MSRA: variants seen among roughly 807,000 people sequenced by gnomAD.
MSRA encodes the protein methionine sulfoxide reductase A.
Under a neutral mutation model 31.3 loss-of-function variants are expected in MSRA, and 54 were observed. The ratio of observed to expected loss-of-function variants is 1.73; its 90% confidence interval spans 1.39 to 2.17. The LOEUF is 2.17. Among genes scored for constraint, MSRA ranks in the 30% most tolerant of loss-of-function variants. The pLI, the probability that MSRA is intolerant of heterozygous loss-of-function variation, is 0.00. For missense variants in MSRA, 507 were observed against 300.9 expected (o/e 1.69, Z -5.07); for synonymous variants, 169 against 116.5 (o/e 1.45, Z -2.90).
chr8:10,270,954 C>A (rs1190894513), intron 3 of MSRA, among the ~76,000 whole-genome samples: 1 of 152,270 alleles, frequency 6.6e-6, no homozygotes, highest in East Asian at 1.9e-4. Flanking sequence ...TGACAGGAAG[C>A]TCATTTTGTT....
intron 1 of MSRA, among the ~76,000 whole-genome samples, chr8:10,059,691 TAAGCA>T (rs1802597633): frequency 6.6e-6 from 1 of 152,166 alleles, no homozygotes; most frequent in South Asian, 2.1e-4. Flanking sequence ...AAAATCATCA[TAAGCA>T]AAGCCAAAAG....
At chr8:10,319,655 C>G (rs991305478) in intron 4 of MSRA, among the ~76,000 whole-genome samples, 2 of 151,430 alleles carry the variant, frequency 1.3e-5, no homozygotes, top group African/African-American at 4.9e-5. Context: ...ATAAATCTAC[C>G]TGAGTTCAAA....
At chr8:10,104,195 G>A (rs964843356) in intron 1 of MSRA, among the ~76,000 whole-genome samples, 4 of 152,128 alleles carry the variant, frequency 2.6e-5, no homozygotes, top group Admixed American at 2.6e-4. Context: ...CTCTAGAGGA[G>A]GACTTAGAAA....
At chr8:10,191,381 C>T (rs947115660) in intron 1 of MSRA, among the ~76,000 whole-genome samples, 2 of 152,150 alleles carry the variant, frequency 1.3e-5, no homozygotes, top group African/African-American at 2.4e-5. Context: ...TTTAGCCTCC[C>T]TGGGAATTTT....
chr8:10,272,552 AC>A (rs752848164), intron 3 of MSRA, among the ~76,000 whole-genome samples: 5 of 152,216 alleles, frequency 3.3e-5, no homozygotes, highest in Non-Finnish European at 7.3e-5. Flanking sequence ...TACCGGGTCT[AC>A]GGATTCAAAT....
intron 1 of MSRA, among the ~76,000 whole-genome samples, chr8:10,182,464 G>T (rs1260411070): frequency 6.6e-6 from 1 of 152,234 alleles, no homozygotes; most frequent in African/African-American, 2.4e-5. Context: ...CCCTCAAGAT[G>T]TTAGATAAGG....
chr8:10,222,152 G>A (rs1217385305), intron 2 of MSRA, among the ~76,000 whole-genome samples: 2 of 152,056 alleles, frequency 1.3e-5, no homozygotes, highest in Admixed American at 6.6e-5. Context: ...AGATGCAGCA[G>A]GAATACCACT....
At chr8:10,416,374 C>T (rs1808459812) in intron 5 of MSRA, among the ~76,000 whole-genome samples, 1 of 152,234 alleles carries the variant, frequency 6.6e-6, no homozygotes, top group South Asian at 2.1e-4. Flanking sequence ...TATCACACCC[C>T]ATGCCCGGGA....
intron 3 of MSRA, among the ~76,000 whole-genome samples, chr8:10,291,807 C>A (rs971592205): frequency 1.3e-5 from 2 of 152,144 alleles, no homozygotes; most frequent in African/African-American, 4.8e-5. Flanking sequence ...AAAAAAATTA[C>A]TGTGTCTCCC....
chr8:10,299,828 C>T (rs1800746790), intron 3 of MSRA, among the ~76,000 whole-genome samples: 1 of 152,084 alleles, frequency 6.6e-6, no homozygotes, highest in Non-Finnish European at 1.5e-5. Context: ...TGGAGCTAGG[C>T]ATCAAGAAAT....
intron 1 of MSRA, among the ~76,000 whole-genome samples, chr8:10,082,806 G>T (rs576045114): frequency 6.6e-6 from 1 of 152,294 alleles, no homozygotes; most frequent in East Asian, 1.9e-4. Context: ...TGTGAAGGGG[G>T]CACTGTGTTC....
intron 1 of MSRA, among the ~76,000 whole-genome samples, chr8:10,202,766 A>G (rs748954892): frequency 6.6e-6 from 1 of 152,242 alleles, no homozygotes; most frequent in Non-Finnish European, 1.5e-5. Flanking sequence ...TATGTACTGG[A>G]CACTGTTCTG....
chr8:10,214,754 T>C (rs1809841098), intron 2 of MSRA, among the ~76,000 whole-genome samples: 7 of 152,182 alleles, frequency 4.6e-5, no homozygotes. Context: ...GAGATAAAAA[T>C]AGGCCTTCCT....
rs1456689074 is a variant in MSRA at position 10,367,870 on chromosome 8, C to G, written c.543+47881C>G. 3.9e-5 allele frequency among the ~76,000 whole-genome samples: 6 copies of G among 152,164 alleles called. No homozygotes were observed. In the East Asian group the frequency reaches 1.2e-3, roughly 29 times the overall value. ...GGCGTTCTAGTTTGCCTGAGAAGCC[C>G]AAGTGAGGGGGGAAAGCTGCTTTTA... On this transcript the variant is annotated intron_variant, in intron 5 of 5. Coordinates refer to ENST00000317173, the MANE Select transcript of MSRA (RefSeq NM_012331.5).
intron 5 of MSRA, among the ~76,000 whole-genome samples, chr8:10,410,032 C>G (rs763976626): frequency 8.5e-5 from 13 of 152,202 alleles, no homozygotes; most frequent in Non-Finnish European, 1.2e-4. Context: ...TGCACTCCCC[C>G]CTGGGTTACA....
At chr8:10,295,717 C>T (rs1320572962) in intron 3 of MSRA, among the ~76,000 whole-genome samples, 1 of 152,180 alleles carries the variant, frequency 6.6e-6, no homozygotes, top group African/African-American at 2.4e-5. Context: ...TTGGCACCCC[C>T]TGGAGAGGTG....
rs1797547636 is a variant in MSRA, at chr8:10,245,087, C to CT, written c.212-11dup. The CT allele has an allele frequency of 1.3e-6, 2 of 1,567,144 alleles. No individual in the cohort carries two copies. The highest frequency in any genetic ancestry group is 1.4e-5 in the African/African-American group (1 of 69,856). ...TGAATAATCAGTATCCTTTTTTTTT[C>CT]TTTTTTCTTTTTTAAGGAATGGGAT... On this transcript the variant is annotated splice_polypyrimidine_tract_variant and intron_variant, in intron 2 of 5. Transcript: ENST00000317173.
intron 1 of MSRA, among the ~76,000 whole-genome samples, chr8:10,166,783 G>T (rs1180777573): frequency 6.6e-6 from 1 of 152,100 alleles, no homozygotes; most frequent in African/African-American, 2.4e-5. Context: ...ATTTCTAGGT[G>T]TGTGGCCTCC....
chr8:10,095,947 A>G, intron 1 of MSRA: 2 of 1,359,268 alleles, frequency 1.5e-6, no homozygotes, highest in Admixed American at 3.3e-5. Flanking sequence ...TTCTAATTAG[A>G]GGGAATATTA....
Sources: allele counts gnomAD v4.1 joint callset (sites outside exome capture counted in the v4.1 genomes callset), GRCh38; gene constraint gnomAD v4.1.1; transcripts MANE v1.5; gene names NCBI Gene and HGNC (gene_info 2026-07-23, HGNC 2026-07-21).